Variants in ZNF469 observed in about 807,000 individuals in gnomAD.
The protein encoded by ZNF469 is zinc finger protein 469.
Under a neutral mutation model 1.0 loss-of-function variants are expected in ZNF469, and 1 was observed. The ratio of observed to expected loss-of-function variants is 1.00; its 90% CI spans 0.35 to 4.73. The LOEUF (loss-of-function observed/expected upper bound fraction) is 4.73. Ranked by LOEUF, ZNF469 falls within the 30% of genes most tolerant of loss-of-function variation. The pLI, the probability that ZNF469 is intolerant of heterozygous loss-of-function variation, is 0.16. For missense variants in ZNF469, 6,100 were observed against 5,356.3 expected (o/e 1.14, Z -4.33); for synonymous variants, 2,703 against 2,363.4 (o/e 1.14, Z -4.17).
the ZNF469 span, among the ~76,000 whole-genome samples, chr16:88,154,594 A>G: frequency 0.015 from 2,257 of 152,258 alleles, 41 homozygotes; most frequent in African/African-American, 0.051. Context: ...GCATATCCCC[A>G]TCACCATTTG....
the ZNF469 span, among the ~76,000 whole-genome samples, chr16:88,199,508 C>T: frequency 6.6e-6 from 1 of 152,358 alleles, no homozygotes; most frequent in South Asian, 2.1e-4. Flanking sequence ...GCTCCCACCT[C>T]CTGTGCCAAC....
the ZNF469 span, among the ~76,000 whole-genome samples, chr16:88,282,868 G>C: frequency 1.3e-5 from 2 of 152,138 alleles, no homozygotes; most frequent in South Asian, 2.1e-4. Context: ...TTCTGATTAA[G>C]GTCCACACAG....
chr16:88,224,475 C>G, the ZNF469 span, among the ~76,000 whole-genome samples: 1 of 152,326 alleles, frequency 6.6e-6, no homozygotes, highest in South Asian at 2.1e-4. Context: ...TGGTCCCCAG[C>G]AAATACTTGG....
chr16:88,380,894 ACT>A (rs1322870516), upstream of ZNF469, among the ~76,000 whole-genome samples: 1 of 125,680 alleles, frequency 8.0e-6, no homozygotes, highest in Admixed American at 8.1e-5. Flanking sequence ...CCAGACATGC[ACT>A]CACACACACT....
At chr16:88,380,696 ACT>A (rs1351495312), upstream of ZNF469, among the ~76,000 whole-genome samples, 1 of 143,126 alleles carries the variant, frequency 7.0e-6, no homozygotes, top group Non-Finnish European at 1.5e-5. Flanking sequence ...ACACACATGC[ACT>A]CACACTCAGA....
At chr16:88,402,153 G>T (rs1904901582) in intron 1 of ZNF469, among the ~76,000 whole-genome samples, 1 of 147,434 alleles carries the variant, frequency 6.8e-6, no homozygotes, top group Admixed American at 6.6e-5. Context: ...ATGGGTAGAT[G>T]GATGGAGAGA....
the ZNF469 span, among the ~76,000 whole-genome samples, chr16:88,108,733 G>A: frequency 1.2e-4 from 19 of 152,282 alleles, no homozygotes; most frequent in South Asian, 8.3e-4. Context: ...GGGGGGCCAC[G>A]CATGTGTTTG....
the ZNF469 span, among the ~76,000 whole-genome samples, chr16:88,208,801 ACACTCT>A: frequency 5.0e-5 from 1 of 20,176 alleles, no homozygotes; most frequent in African/African-American, 1.0e-4. Flanking sequence ...ACACACACAC[ACACTCT>A]CTCTCTCTCT....
At chr16:88,229,658 G>A in the ZNF469 span, among the ~76,000 whole-genome samples, 1 of 39,320 alleles carries the variant, frequency 2.5e-5, no homozygotes, top group Non-Finnish European at 8.6e-5. Flanking sequence ...GATGTCACGC[G>A]TGTGGATGTC....
the ZNF469 span, chr16:88,234,638 G>C: frequency 1.3e-5 from 2 of 152,278 alleles, no homozygotes; most frequent in African/African-American, 4.8e-5. Context: ...AGCTGGGCGC[G>C]CTCTTCTGGA....
the ZNF469 span, among the ~76,000 whole-genome samples, chr16:88,269,403 G>T: frequency 6.6e-6 from 1 of 152,222 alleles, no homozygotes; most frequent in African/African-American, 2.4e-5. Context: ...GCCTGTGGCA[G>T]GTGGGTAGAA....
At position 88,436,557 on chromosome 16, in the gene ZNF469, C is replaced by T. The variant is rs780843955; in HGVS notation, c.9087C>T (p.Asp3029=). Residue 3029 remains aspartate, a synonymous_variant, in exon 3 of 3, where the codon GAC becomes GAT. Transcript: ENST00000565624. ...CCAGCCTGGAGAGAGAACGCTGTGA[C>T]GGTGGGCTTCCCGGGAACACCCACC... The part of the protein sequence containing the change: ...EPPSLERERC[D]GGLPGNTHLL... 34 of 1,549,678 alleles carry T rather than the reference C, an allele frequency of 2.2e-5. No individual in the cohort carries two copies. The highest frequency in any genetic ancestry group is 9.8e-5 in the East Asian group (4 of 40,936).
chr16:88,403,651 A>G (rs115270639), intron 1 of ZNF469, among the ~76,000 whole-genome samples: 2,996 of 152,352 alleles, frequency 0.02, 88 homozygotes, highest in African/African-American at 0.068. Context: ...CTCGGCCCCC[A>G]CAGTTTGTAC....
chr16:88,343,008 G>A, the ZNF469 span, among the ~76,000 whole-genome samples: 1 of 152,320 alleles, frequency 6.6e-6, no homozygotes, highest in South Asian at 2.1e-4. Context: ...TGAGCTCCAC[G>A]TGGTCCACAG....
the ZNF469 span, among the ~76,000 whole-genome samples, chr16:88,304,280 T>C: frequency 6.6e-6 from 1 of 152,132 alleles, no homozygotes; most frequent in East Asian, 1.9e-4. Flanking sequence ...CCCACACCAG[T>C]GACACCAGGG....
the ZNF469 span, among the ~76,000 whole-genome samples, chr16:88,312,056 A>G: frequency 6.6e-5 from 10 of 152,240 alleles, no homozygotes; most frequent in Non-Finnish European, 1.0e-4. Context: ...GCAAAGGCAC[A>G]TCTTACATGG....
chr16:88,131,908 C>G, the ZNF469 span, among the ~76,000 whole-genome samples: 35 of 152,342 alleles, frequency 2.3e-4, 1 homozygote, highest in African/African-American at 7.9e-4. Flanking sequence ...GCCCACCTGC[C>G]CGCTCTGGGT....
chr16:88,245,649 A>G, the ZNF469 span, among the ~76,000 whole-genome samples: 2 of 152,246 alleles, frequency 1.3e-5, no homozygotes, highest in African/African-American at 4.8e-5. Flanking sequence ...GGGAATTCTC[A>G]TCCCCAAGTG....
chr16:88,366,796 A>G, the ZNF469 span, among the ~76,000 whole-genome samples: 1,942 of 148,522 alleles, frequency 0.013, 37 homozygotes, highest in African/African-American at 0.046. Flanking sequence ...ATCATCACCA[A>G]TACCATTACT....
Sources: allele counts gnomAD v4.1 joint callset (sites outside exome capture counted in the v4.1 genomes callset), GRCh38; gene constraint gnomAD v4.1.1; transcripts MANE v1.5; gene names NCBI Gene and HGNC (gene_info 2026-07-23, HGNC 2026-07-21).